The following TXK variants were observed in gnomAD, a reference collection of about 807,000 sequenced individuals.
TXK encodes the protein TXK tyrosine kinase.
In TXK, 60 loss-of-function variants were observed where a neutral mutation model predicts 81.0. The observed-to-expected ratio is 0.74, with a 90% confidence interval of 0.60 to 0.92. The LOEUF is 0.92. Among genes scored for constraint, TXK ranks in the 40% least tolerant of loss-of-function variants. The pLI, the probability that TXK is intolerant of heterozygous loss-of-function variation, is 0.00. For synonymous variants in TXK, 203 were observed against 210.7 expected (o/e 0.96, Z 0.32); for missense variants, 581 against 638.3 (o/e 0.91, Z 0.97).
chr4:48,107,426 C>T (rs935275014), intron 5 of TXK, among the ~76,000 whole-genome samples: 7 of 151,708 alleles, frequency 4.6e-5, no homozygotes, highest in Non-Finnish European at 1.0e-4. Flanking sequence ...ACCTTTAGAC[C>T]TCAAGTCACT....
chr4:48,066,513 T>C lies in TXK; in HGVS notation c.*1124A>G, dbSNP rs1224507546. 1 of 152,190 alleles carries C rather than the reference T, an allele frequency of 6.6e-6. No individual in the cohort carries two copies. The highest frequency in any genetic ancestry group is 1.5e-5 in the Non-Finnish European group (1 of 68,034). The allele number at this position is 152,190 out of a possible 1,614,324, so 9.4% of individuals were successfully genotyped here. A position where few individuals can be genotyped will look rare whatever the true frequency, so the allele number is the denominator to read the frequency against. On this transcript the variant is annotated 3_prime_UTR_variant, in exon 15 of 15. Transcript: ENST00000264316. The stretch of plus-strand genomic sequence containing the variant: ...CTGACAATCAACAAATAAACTCTAA[T>C]GAGAATCATAAAGCTTGTTCCCAGA...
intron 8 of TXK, among the ~76,000 whole-genome samples, 166 bp downstream of exon 8, chr4:48,093,911 A>G (rs1053600851): frequency 6.6e-6 from 1 of 152,226 alleles, no homozygotes; most frequent in African/African-American, 2.4e-5. Context: ...AGAAAAATGA[A>G]GAGGCATCAA....
rs941924718 is a variant in TXK, at chr4:48,100,933, A to T, written c.501+3968T>A. Among the ~76,000 whole-genome samples, 12 of 152,072 alleles carry T rather than the reference A, an allele frequency of 7.9e-5. 1 individual carries two copies. Among genetic ancestry groups the T allele is most frequent in the South Asian group, 4.1e-4 (2 of 4,824 alleles). On this transcript the variant is annotated intron_variant, in intron 6 of 14. Transcript: ENST00000264316. Reference sequence around the variant, plus strand: ...CCTTATGTAAAAAAATATATATATAAAAATGTATATAGTATGCTATCGTTT... The same window carrying T: ...CCTTATGTAAAAAAATATATATATATAAATGTATATAGTATGCTATCGTTT...
chr4:48,122,916 G>A (rs547541828), intron 1 of TXK, among the ~76,000 whole-genome samples: 1 of 152,322 alleles, frequency 6.6e-6, no homozygotes, highest in Admixed American at 6.5e-5. Context: ...GACCTTGGGA[G>A]TCTATGTAGT....
intron 11 of TXK, among the ~76,000 whole-genome samples, chr4:48,078,301 G>A (rs575524181): frequency 1.3e-5 from 2 of 152,270 alleles, no homozygotes; most frequent in East Asian, 3.9e-4. Context: ...CAAGCCATGG[G>A]TGGGATAAGC....
At chr4:48,113,160 A>G (rs1718689856) in intron 3 of TXK, 47 bp downstream of exon 3, 1 of 1,456,088 alleles carries the variant, frequency 6.9e-7, no homozygotes, top group Non-Finnish European at 9.6e-7. Context: ...AGACTCTAAA[A>G]AGACAACCTT....
chr4:48,107,392 C>A (rs535849399), intron 5 of TXK, among the ~76,000 whole-genome samples: 2 of 151,638 alleles, frequency 1.3e-5, no homozygotes, highest in Non-Finnish European at 2.9e-5. Context: ...CACCCTCCCC[C>A]CAAAACACAC....
rs769919862 is a variant in TXK, at chr4:48,112,321, T to C, written c.366A>G (p.Ala122=). ...AAGTGTCTTACCCCAAACGGTCTCT[T>C]GCCTTCCACCAGTGAGGATTGTATT... is the stretch of plus-strand genomic sequence containing the variant. ...LEKYNPHWWK[A]RDRLGNEGLI... is the part of the protein sequence containing the mutation. The change falls in exon 4 of 15, where the codon GCA becomes GCG. Residue 122 remains alanine (A), a synonymous_variant. Coordinates refer to ENST00000264316, the MANE Select transcript of TXK (RefSeq NM_003328.3). The C allele has an allele frequency of 2.5e-6, 4 of 1,614,076 alleles. No homozygotes were observed. In the African/African-American group the frequency reaches 5.3e-5, roughly 22 times the overall value.
At chr4:48,077,076 C>T (rs996298941) in intron 11 of TXK, among the ~76,000 whole-genome samples, 7 of 151,894 alleles carry the variant, frequency 4.6e-5, no homozygotes, top group Admixed American at 6.6e-5. Flanking sequence ...ATCTCTAATA[C>T]GTAATAAAAA....
intron 6 of TXK, among the ~76,000 whole-genome samples, chr4:48,099,573 A>T (rs1718109037): frequency 6.6e-6 from 1 of 152,230 alleles, no homozygotes. Context: ...AGACAAGGTG[A>T]TTCTGAAGCT....
chr4:48,081,680 C>T (rs1717305359), intron 10 of TXK, among the ~76,000 whole-genome samples: 1 of 152,104 alleles, frequency 6.6e-6, no homozygotes, highest in South Asian at 2.1e-4. Context: ...TCATTTTGAT[C>T]ACTCTCAAGT....
intron 11 of TXK, among the ~76,000 whole-genome samples, chr4:48,076,700 C>T (rs1717082918): frequency 6.6e-6 from 1 of 152,106 alleles, no homozygotes; most frequent in Admixed American, 6.6e-5. Context: ...ACCATGTTGG[C>T]TCACTGCAAC....
Position 48,134,175 on chromosome 4 carries a change from G to A in TXK, c.-5C>T. ...CTCACAGGAGGAAAGGATCATGGTAGCCCCTTCTGCGGGGAGCACACAACA... is the reference window on the plus strand; with the variant it reads ...CTCACAGGAGGAAAGGATCATGGTAACCCCTTCTGCGGGGAGCACACAACA... On this transcript the variant is annotated 5_prime_UTR_variant, in exon 1 of 15. Coordinates refer to ENST00000264316, the MANE Select transcript of TXK (RefSeq NM_003328.3). 6.2e-7 allele frequency: 1 copy of A among 1,613,366 alleles called. No homozygotes were observed. Among genetic ancestry groups the A allele is most frequent in the Non-Finnish European group, 8.5e-7 (1 of 1,179,678 alleles).
chr4:48,092,044 A>G (rs1717796488), intron 8 of TXK, among the ~76,000 whole-genome samples: 3 of 152,208 alleles, frequency 2.0e-5, no homozygotes, highest in Admixed American at 1.3e-4. Flanking sequence ...TTTAATTCCT[A>G]TGCTTCCAAC....
chr4:48,119,362 C>A (rs975239661), intron 1 of TXK, among the ~76,000 whole-genome samples: 2 of 152,108 alleles, frequency 1.3e-5, no homozygotes, highest in African/African-American at 2.4e-5. Flanking sequence ...AGTTACTTAC[C>A]TTTCTCTGAT....
At chr4:48,089,706 C>T (rs1258726363) in intron 9 of TXK, 44 bp downstream of exon 9, 1 of 1,513,788 alleles carries the variant, frequency 6.6e-7, no homozygotes, top group Non-Finnish European at 9.2e-7. Flanking sequence ...AGATTCTTTA[C>T]TACTGGATTT....
Position 48,076,471 on chromosome 4 carries a change from G to A in TXK, c.1174-5C>T. The A allele has an allele frequency of 6.2e-7, 1 of 1,606,522 alleles. No individual in the cohort carries two copies. Among genetic ancestry groups the A allele is most frequent in the South Asian group, 1.1e-5 (1 of 88,870 alleles). On this transcript the variant is annotated splice_region_variant and splice_polypyrimidine_tract_variant and intron_variant, in intron 11 of 14. Coordinates refer to ENST00000264316, the MANE Select transcript of TXK (RefSeq NM_003328.3). ...GACCAAACAATTCCTTGCCGCCTAT[G>A]GAAAGAAGAAAAGAATCCAAGTTTG...
At chr4:48,090,977 T>C (rs1331955280) in intron 8 of TXK, among the ~76,000 whole-genome samples, 1 of 152,214 alleles carries the variant, frequency 6.6e-6, no homozygotes, top group Non-Finnish European at 1.5e-5. Flanking sequence ...TAAGTGCCTA[T>C]TGTGTGCAAG....
rs1190826613 is a variant in TXK, at chr4:48,067,501, G to A, written c.*136C>T. 1.1e-6 allele frequency: 1 copy of A among 884,892 alleles called. No homozygotes were observed. Among genetic ancestry groups the A allele is most frequent in the Non-Finnish European group, 1.8e-6 (1 of 561,782 alleles). The allele number at this position is 884,892 out of a possible 1,614,324, so 54.8% of individuals were successfully genotyped here. On this transcript the variant is annotated 3_prime_UTR_variant, in exon 15 of 15. Transcript: ENST00000264316. ...TAAATTTTTAAAACTTTTAAAAACT[G>A]TGATCTTTGCACTGTTTTCAAGAGT... is the stretch of plus-strand genomic sequence containing the variant.
Sources: allele counts gnomAD v4.1 joint callset (sites outside exome capture counted in the v4.1 genomes callset), GRCh38; gene constraint gnomAD v4.1.1; transcripts MANE v1.5; gene names NCBI Gene and HGNC (gene_info 2026-07-23, HGNC 2026-07-21).